The following SEL1L3 variants were observed in gnomAD, a reference collection of about 807,000 sequenced individuals.
SEL1L3 encodes the protein SEL1L family member 3, also known as protein sel-1 homolog 3.
SEL1L3 carries 76 observed loss-of-function variants against 142.8 expected under a neutral mutation model. The ratio of observed to expected loss-of-function variants is 0.53; its 90% CI spans 0.44 to 0.64. The LOEUF is 0.64. Ranked by LOEUF, SEL1L3 falls within the 30% of genes least tolerant of loss-of-function variation. The probability of loss-of-function intolerance (pLI) is 0.00; values close to 1 mark genes in which losing one functional copy is unlikely to be tolerated. For synonymous variants in SEL1L3, 504 were observed against 519.6 expected (o/e 0.97, Z 0.41); for missense variants, 1,262 against 1,381.7 (o/e 0.91, Z 1.37).
intron 11 of SEL1L3, 122 bp from the exon 12 acceptor site, chr4:25,790,696 G>A (rs1712262036): frequency 9.3e-6 from 1 of 107,748 alleles, no homozygotes; most frequent in Non-Finnish European, 1.8e-5. Flanking sequence ...GGGAGGGAGG[G>A]AGGGAAGGAA....
At chr4:25,774,968 G>C (rs1219303514) in intron 17 of SEL1L3, among the ~76,000 whole-genome samples, 1 of 152,176 alleles carries the variant, frequency 6.6e-6, no homozygotes, top group Non-Finnish European at 1.5e-5. Context: ...TTACAGGAGT[G>C]CTCTTCCTTT....
intron 17 of SEL1L3, among the ~76,000 whole-genome samples, chr4:25,771,038 T>A (rs575137968): frequency 5.9e-5 from 9 of 152,380 alleles, no homozygotes; most frequent in African/African-American, 2.2e-4. Context: ...AGACAATGCC[T>A]CTGCAGAAAC....
intron 21 of SEL1L3, among the ~76,000 whole-genome samples, chr4:25,758,700 G>T (rs530199910): frequency 2.7e-5 from 4 of 149,552 alleles, no homozygotes; most frequent in Non-Finnish European, 5.9e-5. Context: ...TTTTAGTAGA[G>T]ATAAGGTTCT....
chr4:25,803,781 G>GT (rs60211194), intron 10 of SEL1L3, among the ~76,000 whole-genome samples: 7,358 of 146,108 alleles, frequency 0.05, 535 homozygotes, highest in African/African-American at 0.16. Context: ...TTTTTTATAT[G>GT]TTTTTTTTTT....
At chr4:25,757,342 G>A (rs11736949) in intron 23 of SEL1L3, among the ~76,000 whole-genome samples, 192 bp downstream of exon 23, 70,556 of 150,840 alleles carry the variant, frequency 0.47, 17,794 homozygotes, top group African/African-American at 0.66. Context: ...GCCTCCCACC[G>A]GCCAGGAATT....
chr4:25,756,334 C>T (rs990701668), intron 23 of SEL1L3: 26 of 985,140 alleles, frequency 2.6e-5, no homozygotes, highest in East Asian at 1.1e-4. Flanking sequence ...ACAAATGACA[C>T]GACTGGGGCC....
At chr4:25,833,698 T>A in intron 3 of SEL1L3, 129 bp from the exon 4 acceptor site, 2 of 747,710 alleles carry the variant, frequency 2.7e-6, no homozygotes, top group South Asian at 4.3e-5. Context: ...GCGTTCATCA[T>A]GGGAGATCAG....
chr4:25,716,384 G>C, the SEL1L3 span, among the ~76,000 whole-genome samples: 1 of 152,126 alleles, frequency 6.6e-6, no homozygotes, highest in Middle Eastern at 3.2e-3. Context: ...ATAGAACATA[G>C]AGAACATTCA....
At chr4:25,799,222 G>T (rs980311315) in intron 11 of SEL1L3, among the ~76,000 whole-genome samples, 1 of 152,014 alleles carries the variant, frequency 6.6e-6, no homozygotes, top group African/African-American at 2.4e-5. Context: ...TGACAGATGC[G>T]CACCACCATG....
At chr4:25,730,140 G>T in the SEL1L3 span, among the ~76,000 whole-genome samples, 1 of 151,934 alleles carries the variant, frequency 6.6e-6, no homozygotes, top group Non-Finnish European at 1.5e-5. Flanking sequence ...CACTATGTTG[G>T]CCAGTCTGGT....
the SEL1L3 span, among the ~76,000 whole-genome samples, chr4:25,726,027 A>G: frequency 1.2e-3 from 183 of 152,108 alleles, no homozygotes; most frequent in African/African-American, 4.3e-3. Context: ...CATCCTACGG[A>G]TGCAGCCCAA....
In SEL1L3 at chr4:25,833,490, T is replaced by C. The variant is rs746310893; in HGVS notation, c.940A>G (p.Asn314Asp). Residue 314 changes from asparagine (N) to aspartate (D), a missense_variant, in exon 4 of 24, where the codon AAT becomes GAT. By Grantham distance (23) the Asn-to-Asp change is conservative. Around this residue, in one of 3 missense-constraint regions of SEL1L3, gnomAD observed 689 missense variants for 692.8 expected, o/e 0.99. Coordinates refer to ENST00000399878, the MANE Select transcript of SEL1L3 (RefSeq NM_015187.5). ...ACAGAAGGTGTGCCGTACATCTCAT[T>C]AGAGTCAACAAAGTACAGAATCCCA... is the stretch of plus-strand genomic sequence containing the variant. ...LCGILYFVDS[N>D]EMYGTPSVFL... 4 of 1,613,092 alleles carry C rather than the reference T, an allele frequency of 2.5e-6. No homozygotes were observed. The Admixed American group carries it at 6.7e-5, about 27-fold the overall frequency.
rs2109176392 is a variant in SEL1L3, at chr4:25,784,227, C to T, written c.2280+1G>A. On this transcript the variant is annotated splice_donor_variant, in intron 14 of 23. Coordinates refer to ENST00000399878, the MANE Select transcript of SEL1L3 (RefSeq NM_015187.5). LOFTEE classifies it high-confidence loss of function. ...TCCCTCTGACAATATGCATGTGTTA[C>T]CTTGGAAGCTGCTTTCTTCATCAGC... The T allele has an allele frequency of 6.2e-7, 1 of 1,611,984 alleles. No homozygotes were observed. The highest frequency in any genetic ancestry group is 8.5e-7 in the Non-Finnish European group (1 of 1,178,210).
chr4:25,803,563 T>C (rs1372138436), intron 10 of SEL1L3, among the ~76,000 whole-genome samples: 2 of 152,218 alleles, frequency 1.3e-5, no homozygotes, highest in Non-Finnish European at 2.9e-5. Context: ...AGATGAAACA[T>C]CATTTCTGGA....
At chr4:25,768,561 T>C (rs1718921597) in intron 17 of SEL1L3, among the ~76,000 whole-genome samples, 1 of 152,214 alleles carries the variant, frequency 6.6e-6, no homozygotes, top group South Asian at 2.1e-4. Flanking sequence ...CATGTGGCCC[T>C]ACAGTTCTCC....
At chr4:25,846,278 G>A (rs944456214) in intron 2 of SEL1L3, among the ~76,000 whole-genome samples, 5 of 152,176 alleles carry the variant, frequency 3.3e-5, no homozygotes, top group African/African-American at 7.2e-5. Context: ...TGGAGCCTCC[G>A]GGATTGGTCC....
chr4:25,862,661 G>A lies in SEL1L3; in HGVS notation c.162+14C>T, dbSNP rs961509126. The A allele has an allele frequency of 1.7e-5, 21 of 1,252,752 alleles. No homozygotes were observed. Among genetic ancestry groups the A allele is most frequent in the African/African-American group, 4.7e-5 (3 of 63,914 alleles). The allele number at this position is 1,252,752 out of a possible 1,614,324, so 77.6% of individuals were successfully genotyped here. On this transcript the variant is annotated intron_variant, in intron 1 of 23. Transcript: ENST00000399878. ...CGCGCGGAGGGGAAGACCCGGGCAGGGTCCGGCGCTCACCAGGTAGCAGAG... is the reference window on the plus strand; with the variant it reads ...CGCGCGGAGGGGAAGACCCGGGCAGAGTCCGGCGCTCACCAGGTAGCAGAG...
chr4:25,827,079 TG>T (rs1381531839), intron 6 of SEL1L3, among the ~76,000 whole-genome samples: 1 of 152,270 alleles, frequency 6.6e-6, no homozygotes, highest in Non-Finnish European at 1.5e-5. Context: ...ACACTGATTA[TG>T]TCTTTACTTA....
In SEL1L3 at chr4:25,757,562, C is replaced by A. The variant is rs1718071480; in HGVS notation, c.3231G>T (p.Trp1077Cys). Residue 1077 changes from tryptophan (W) to cysteine (C), a missense_variant, in exon 23 of 24, where the codon TGG becomes TGT. Physicochemically the swap from Trp to Cys is radical, Grantham distance 215. Transcript: ENST00000399878. ...GTFLLSILIA[W>C]TVQYFQSVSA... ...AGACAGACTGGAAATACTGCACAGTCCAGGCGATCAATATGGATAGCAGAA... is the reference window on the plus strand; with the variant it reads ...AGACAGACTGGAAATACTGCACAGTACAGGCGATCAATATGGATAGCAGAA... 3.9e-6 allele frequency: 6 copies of A among 1,551,378 alleles called. No individual in the cohort carries two copies. In the East Asian group the frequency reaches 1.5e-4, roughly 38 times the overall value.
Sources: allele counts gnomAD v4.1 joint callset (sites outside exome capture counted in the v4.1 genomes callset), GRCh38; gene constraint gnomAD v4.1.1; regional missense constraint gnomAD v4.1.1; transcripts MANE v1.5; gene names NCBI Gene and HGNC (gene_info 2026-07-23, HGNC 2026-07-21).